The following ATXN1 variants were observed in gnomAD, a reference collection of about 807,000 sequenced individuals.
ATXN1 encodes the protein ataxin 1.
A neutral mutation model predicts 56.4 loss-of-function variants in ATXN1; 8 were observed. The observed-to-expected ratio is 0.14, with a 90% CI of 0.08 to 0.26. The LOEUF is 0.26. Ranked by LOEUF, ATXN1 falls within the 10% of genes least tolerant of loss-of-function variation. The pLI is 1.00. For missense variants in ATXN1, 987 were observed against 1,106.5 expected, an observed-to-expected ratio of 0.89 and a Z score of 1.53; for synonymous variants, 514 against 494.6, an observed-to-expected ratio of 1.04 and a Z score of -0.52.
At chr6:16,614,883 C>A (rs1322934278) in intron 3 of ATXN1, 1 of 151,328 alleles carries the variant, frequency 6.6e-6, no homozygotes, top group Admixed American at 6.6e-5. Flanking sequence ...AGATCGTGTG[C>A]CACTGCACTC....
chr6:16,427,326 C>T (rs77201521), intron 6 of ATXN1, among the ~76,000 whole-genome samples: 2 of 152,302 alleles, frequency 1.3e-5, no homozygotes, highest in African/African-American at 4.8e-5. Flanking sequence ...AGCTCCTCCC[C>T]AGTCGTGACA....
intron 6 of ATXN1, among the ~76,000 whole-genome samples, chr6:16,481,594 G>A (rs1224285478): frequency 6.6e-6 from 1 of 152,124 alleles, no homozygotes; most frequent in Non-Finnish European, 1.5e-5. Flanking sequence ...CAAAATTCCA[G>A]AAACCTTTAT....
At chr6:16,510,018 T>C (rs1257644196) in intron 5 of ATXN1, among the ~76,000 whole-genome samples, 3 of 152,196 alleles carry the variant, frequency 2.0e-5, no homozygotes, top group South Asian at 4.1e-4. Flanking sequence ...TCTGTGGAAA[T>C]TGGCCTGATC....
chr6:16,660,468 C>T (rs1758293088), intron 2 of ATXN1, among the ~76,000 whole-genome samples: 1 of 152,208 alleles, frequency 6.6e-6, no homozygotes, highest in Non-Finnish European at 1.5e-5. Flanking sequence ...GGGATATCAA[C>T]AACCTATAAA....
chr6:16,682,349 A>C (rs775246613), intron 2 of ATXN1, among the ~76,000 whole-genome samples: 14 of 151,948 alleles, frequency 9.2e-5, no homozygotes, highest in Non-Finnish European at 2.1e-4. Context: ...GGTGTGCACC[A>C]CCACACCCAG....
At chr6:16,372,914 A>AAAATAAATAAAT (rs751592908) in intron 6 of ATXN1, among the ~76,000 whole-genome samples, 2 of 151,258 alleles carry the variant, frequency 1.3e-5, no homozygotes, top group African/African-American at 4.9e-5. Flanking sequence ...ACACTGTATC[A>AAAATAAATAAAT]AAATAAATAA....
At chr6:16,503,585 A>G (rs1353395908) in intron 5 of ATXN1, among the ~76,000 whole-genome samples, 2 of 152,192 alleles carry the variant, frequency 1.3e-5, no homozygotes, top group East Asian at 3.8e-4. Flanking sequence ...GCTGGTAATT[A>G]TTGTTCATAT....
Position 16,618,699 on chromosome 6 carries a change from G to A in ATXN1, c.-488-32792C>T, listed in dbSNP as rs1282769925. Among the ~76,000 whole-genome samples the A allele has an allele frequency of 2.7e-5, 4 of 149,174 alleles. No homozygotes were observed. In the South Asian group the frequency reaches 8.4e-4, roughly 31 times the overall value. ...ATCGTGCCACTGCACTGCAGCCTGGGTGGCAGAGCGAGACTCCGTCTCAAA... is the reference window on the plus strand; with the variant it reads ...ATCGTGCCACTGCACTGCAGCCTGGATGGCAGAGCGAGACTCCGTCTCAAA... On this transcript the variant is annotated intron_variant, in intron 3 of 7. Coordinates refer to ENST00000436367, the MANE Select transcript of ATXN1 (RefSeq NM_001128164.2).
chr6:16,538,437 T>G lies in ATXN1; in HGVS notation c.-360-15749A>C, dbSNP rs1238059510. On this transcript the variant is annotated intron_variant, in intron 4 of 7. Transcript: ENST00000436367. The stretch of plus-strand genomic sequence containing the variant: ...CTTTTTATTTTTTTAATCTTTTTTT[T>G]GTTTTTAATTATACTTTAAGTTTTA... Among the ~76,000 whole-genome samples the G allele has an allele frequency of 2.6e-5, 4 of 152,202 alleles. No individual in the cohort carries two copies. In the East Asian group the frequency reaches 7.7e-4, roughly 29 times the overall value.
chr6:16,580,161 T>C (rs562715666), intron 4 of ATXN1, among the ~76,000 whole-genome samples: 1 of 152,306 alleles, frequency 6.6e-6, no homozygotes, highest in East Asian at 1.9e-4. Flanking sequence ...ACTGATGAAA[T>C]GAGAAGCACT....
intron 4 of ATXN1, among the ~76,000 whole-genome samples, chr6:16,568,717 T>C (rs1762276346): frequency 6.6e-6 from 1 of 152,180 alleles, no homozygotes; most frequent in Non-Finnish European, 1.5e-5. Context: ...ACTGTCTAAA[T>C]GCTTCATCCC....
chr6:16,667,114 C>T (rs1201149841), intron 2 of ATXN1: 3 of 152,114 alleles, frequency 2.0e-5, no homozygotes, highest in African/African-American at 7.2e-5. Context: ...TAGAACCATC[C>T]TAGGCAGTGG....
intron 6 of ATXN1, among the ~76,000 whole-genome samples, chr6:16,341,644 G>A (rs1281505592): frequency 1.4e-4 from 20 of 146,892 alleles, no homozygotes; most frequent in South Asian, 1.1e-3. Context: ...TCAGCCTCCC[G>A]AGTGGCTGGG....
intron 6 of ATXN1, among the ~76,000 whole-genome samples, chr6:16,452,859 A>T (rs1759780793): frequency 6.6e-6 from 1 of 152,226 alleles, no homozygotes; most frequent in African/African-American, 2.4e-5. Context: ...TTACTGATTT[A>T]AAAGTTCAAG....
intron 2 of ATXN1, among the ~76,000 whole-genome samples, chr6:16,714,223 A>C (rs895289861): frequency 6.6e-5 from 9 of 136,596 alleles, no homozygotes; most frequent in African/African-American, 2.5e-4. Context: ...ACACACACAC[A>C]CACCAAAACC....
At chr6:16,505,653 T>G (rs942920766) in intron 5 of ATXN1, among the ~76,000 whole-genome samples, 12 of 152,176 alleles carry the variant, frequency 7.9e-5, no homozygotes, top group African/African-American at 2.9e-4. Context: ...AATTGACTAC[T>G]TATGGAGGAC....
At chr6:16,726,448 T>C (rs1342422335) in intron 2 of ATXN1, among the ~76,000 whole-genome samples, 1 of 151,578 alleles carries the variant, frequency 6.6e-6, no homozygotes, top group African/African-American at 2.4e-5. Flanking sequence ...TTCATATGTA[T>C]AATATCTTAG....
intron 6 of ATXN1, among the ~76,000 whole-genome samples, chr6:16,392,012 C>T (rs1423137889): frequency 6.6e-6 from 1 of 152,162 alleles, no homozygotes. Context: ...TAATTAGGGG[C>T]AGGCACCAGG....
intron 6 of ATXN1, among the ~76,000 whole-genome samples, chr6:16,468,224 C>T (rs908661078): frequency 1.3e-5 from 2 of 152,132 alleles, no homozygotes; most frequent in African/African-American, 2.4e-5. Context: ...CTCACTCTGT[C>T]GCCCAGGCTG....
Sources: allele counts gnomAD v4.1 joint callset (sites outside exome capture counted in the v4.1 genomes callset), GRCh38; gene constraint gnomAD v4.1.1; transcripts MANE v1.5; gene names NCBI Gene and HGNC (gene_info 2026-07-23, HGNC 2026-07-21).